GUCY1A2: variants seen among roughly 807,000 people sequenced by gnomAD.
The protein encoded by GUCY1A2 is guanylate cyclase 1 soluble subunit alpha 2.
Under a neutral mutation model 63.5 loss-of-function variants are expected in GUCY1A2, and 27 were observed. The ratio of observed to expected loss-of-function variants is 0.43; its 90% CI spans 0.31 to 0.59. The LOEUF (loss-of-function observed/expected upper bound fraction) is 0.59, where lower values mean the gene tolerates loss of function less well. Among genes scored for constraint, GUCY1A2 ranks in the 20% least tolerant of loss-of-function variants. The pLI, the probability that GUCY1A2 is intolerant of heterozygous loss-of-function variation, is 0.11. For missense variants in GUCY1A2, 768 were observed against 913.3 expected (o/e 0.84, Z 2.05); for synonymous variants, 364 against 343.5 (o/e 1.06, Z -0.66).
At chr11:106,724,888 C>T (rs1435804769) in intron 6 of GUCY1A2, among the ~76,000 whole-genome samples, 2 of 152,146 alleles carry the variant, frequency 1.3e-5, no homozygotes, top group Non-Finnish European at 2.9e-5. Context: ...ACTAGATTAG[C>T]TTTACCACCA....
At chr11:106,984,047 A>AGGAAGTT (rs1382244730) in intron 2 of GUCY1A2, among the ~76,000 whole-genome samples, 3 of 152,228 alleles carry the variant, frequency 2.0e-5, no homozygotes, top group African/African-American at 7.2e-5. Flanking sequence ...AAGGCAAAAG[A>AGGAAGTT]GGAAGTTGGA....
intron 5 of GUCY1A2, among the ~76,000 whole-genome samples, chr11:106,786,427 T>C (rs1185149489): frequency 6.6e-6 from 1 of 152,118 alleles, no homozygotes; most frequent in Non-Finnish European, 1.5e-5. Context: ...TGGGAACTAC[T>C]CCCAAATGAA....
At chr11:106,946,652 T>C (rs1273653945) in intron 3 of GUCY1A2, among the ~76,000 whole-genome samples, 2 of 151,980 alleles carry the variant, frequency 1.3e-5, no homozygotes, top group East Asian at 3.9e-4. Flanking sequence ...AAAATCACAA[T>C]TTACAAAGAA....
At chr11:106,925,169 GAGAC>G (rs925445237) in intron 4 of GUCY1A2, among the ~76,000 whole-genome samples, 64 of 152,028 alleles carry the variant, frequency 4.2e-4, no homozygotes, top group African/African-American at 1.2e-3. Context: ...GAGAGAGAGA[GAGAC>G]AGAGAGAAAG....
intron 7 of GUCY1A2, among the ~76,000 whole-genome samples, chr11:106,705,581 C>G (rs1862893959): frequency 1.3e-5 from 2 of 152,092 alleles, no homozygotes; most frequent in Admixed American, 1.3e-4. Context: ...GGGACTGAGG[C>G]AGGGCGCAGT....
chr11:106,971,245 T>TGTG (rs779169946), intron 3 of GUCY1A2, among the ~76,000 whole-genome samples: 7 of 112,154 alleles, frequency 6.2e-5, no homozygotes, highest in East Asian at 2.5e-4. Context: ...GTGTGTGTGT[T>TGTG]TAGGAGGTCA....
chr11:106,750,320 G>A (rs368601010), intron 6 of GUCY1A2, among the ~76,000 whole-genome samples: 1 of 152,066 alleles, frequency 6.6e-6, no homozygotes, highest in African/African-American at 2.4e-5. Flanking sequence ...ATTGGATGAT[G>A]CTAACCCACA....
chr11:107,016,267 G>A (rs1240048413), intron 1 of GUCY1A2, among the ~76,000 whole-genome samples: 2 of 152,254 alleles, frequency 1.3e-5, no homozygotes, highest in East Asian at 1.9e-4. Flanking sequence ...GTGGGCAGGT[G>A]AAAGTGCTGT....
At chr11:106,787,603 A>AGGGGGGAGG (rs1565289929) in intron 5 of GUCY1A2, among the ~76,000 whole-genome samples, 2 of 12,626 alleles carry the variant, frequency 1.6e-4, no homozygotes, top group East Asian at 3.1e-3. Context: ...GGAAGGGAAA[A>AGGGGGGAGG]AGAGAAAGAG....
At chr11:106,801,721 C>T (rs1211769117) in intron 5 of GUCY1A2, among the ~76,000 whole-genome samples, 1 of 152,098 alleles carries the variant, frequency 6.6e-6, no homozygotes, top group East Asian at 1.9e-4. Context: ...AAGGGTCTAA[C>T]TGGATTGTTT....
intron 3 of GUCY1A2, among the ~76,000 whole-genome samples, chr11:106,942,552 T>C (rs1355011047): frequency 1.3e-5 from 2 of 152,138 alleles, no homozygotes; most frequent in African/African-American, 2.4e-5. Flanking sequence ...CGTGTGTCAC[T>C]GAAAATATTC....
intron 1 of GUCY1A2, among the ~76,000 whole-genome samples, chr11:106,995,182 G>A (rs1861519181): frequency 6.6e-6 from 1 of 152,162 alleles, no homozygotes; most frequent in African/African-American, 2.4e-5. Context: ...GAAGCTTTCT[G>A]GGTTATTCAC....
At chr11:106,716,749 A>G (rs1219526065) in intron 6 of GUCY1A2, among the ~76,000 whole-genome samples, 1 of 136,064 alleles carries the variant, frequency 7.3e-6, no homozygotes, top group African/African-American at 2.9e-5. Context: ...AGCCTGGGCG[A>G]CAGAGCCAGA....
intron 4 of GUCY1A2, among the ~76,000 whole-genome samples, chr11:106,870,566 T>C (rs991153897): frequency 6.6e-6 from 1 of 152,078 alleles, no homozygotes; most frequent in Non-Finnish European, 1.5e-5. Flanking sequence ...TTGTTTCCCT[T>C]CCTTTGAAAG....
intron 5 of GUCY1A2, among the ~76,000 whole-genome samples, chr11:106,806,852 A>G (rs1047428852): frequency 6.6e-6 from 1 of 152,222 alleles, no homozygotes; most frequent in Non-Finnish European, 1.5e-5. Flanking sequence ...TTTTAGCAGA[A>G]TGGTCATATT....
At chr11:106,721,795 T>C (rs1039282271) in intron 6 of GUCY1A2, among the ~76,000 whole-genome samples, 2 of 152,222 alleles carry the variant, frequency 1.3e-5, no homozygotes, top group Non-Finnish European at 2.9e-5. Flanking sequence ...AAGAAATTGC[T>C]AAGCAAAATT....
chr11:106,909,268 C>T (rs1860257592), intron 4 of GUCY1A2, among the ~76,000 whole-genome samples: 1 of 151,382 alleles, frequency 6.6e-6, no homozygotes, highest in African/African-American at 2.4e-5. Flanking sequence ...CCAATGGTTA[C>T]ACCTTTAAAA....
At chr11:106,880,559 A>G (rs1460888401) in intron 4 of GUCY1A2, among the ~76,000 whole-genome samples, 1 of 152,072 alleles carries the variant, frequency 6.6e-6, no homozygotes, top group Non-Finnish European at 1.5e-5. Context: ...TTGGCATGGC[A>G]TATATAATCA....
chr11:106,898,270 T>G (rs972464053), intron 4 of GUCY1A2, among the ~76,000 whole-genome samples: 2 of 152,226 alleles, frequency 1.3e-5, no homozygotes, highest in Non-Finnish European at 2.9e-5. Flanking sequence ...TACAGCCATT[T>G]TGGAAGACAG....
Sources: allele counts gnomAD v4.1 joint callset (sites outside exome capture counted in the v4.1 genomes callset), GRCh38; gene constraint gnomAD v4.1.1; transcripts MANE v1.5; gene names NCBI Gene and HGNC (gene_info 2026-07-23, HGNC 2026-07-21).